The following CMTM6 variants were observed in gnomAD, a reference collection of about 807,000 sequenced individuals.
CMTM6 encodes CKLF-like MARVEL transmembrane domain-containing protein 6.
A neutral mutation model predicts 13.6 loss-of-function variants in CMTM6; 5 were observed. That is an observed-to-expected ratio of 0.37 (90% CI 0.19 to 0.77). The LOEUF (loss-of-function observed/expected upper bound fraction) is 0.77. Ranked by LOEUF, CMTM6 falls within the 30% of genes least tolerant of loss-of-function variation. The pLI is 0.50. For missense variants in CMTM6, 196 were observed against 218.6 expected, an observed-to-expected ratio of 0.90 and a Z score of 0.65; for synonymous variants, 99 against 84.5, an observed-to-expected ratio of 1.17 and a Z score of -0.94.
In CMTM6 at chr3:32,491,720, A is replaced by G. The variant is rs750525387; in HGVS notation, c.305T>C (p.Val102Ala). The change falls in exon 2 of 4, where the codon GTA becomes GCA. Residue 102 changes from valine (V) to alanine (A), a missense_variant. Transcript: ENST00000205636. ...TTTTCTCATGCTTACCGATGATTTT[A>G]CTTTTGTGGTATCAACTCTCTCATA... ...PFYERVDTTK[V>A]KSSDFYITLG... 1 of 1,591,044 alleles carries G rather than the reference A, an allele frequency of 6.3e-7. No homozygotes were observed. Among genetic ancestry groups the G allele is most frequent in the South Asian group, 1.1e-5 (1 of 87,586 alleles).
chr3:32,496,982 G>A (rs1183905295), intron 1 of CMTM6, among the ~76,000 whole-genome samples: 1 of 152,110 alleles, frequency 6.6e-6, no homozygotes, highest in African/African-American at 2.4e-5. Flanking sequence ...GAAAACAGGA[G>A]GAACAGAGGA....
intron 1 of CMTM6, among the ~76,000 whole-genome samples, chr3:32,500,979 T>G (rs909652212): frequency 1.3e-5 from 2 of 150,126 alleles, no homozygotes; most frequent in South Asian, 2.1e-4. Flanking sequence ...GAAAATCACC[T>G]GAAGTCAGGA....
rs1442705275 is a variant in CMTM6, at chr3:32,482,708, G to A, written c.*1252C>T. 2 of 137,960 alleles carry A rather than the reference G, an allele frequency of 1.4e-5. No individual in the cohort carries two copies. The highest frequency in any genetic ancestry group is 3.1e-5 in the Non-Finnish European group (2 of 65,314). 8.5% of individuals were successfully genotyped at this position (137,960 alleles called of 1,614,324 possible). A position where few individuals can be genotyped will look rare whatever the true frequency, so the allele number is the denominator to read the frequency against. On this transcript the variant is annotated 3_prime_UTR_variant, in exon 4 of 4. Coordinates refer to ENST00000205636, the MANE Select transcript of CMTM6 (RefSeq NM_017801.3). ...GTATTAGTCTGGGCAGGGTTCCCTG[G>A]ATATTTACTTTTTTTTTTTTTTTTT...
intron 1 of CMTM6, among the ~76,000 whole-genome samples, chr3:32,499,757 C>T (rs1697329102): frequency 6.6e-6 from 1 of 152,128 alleles, no homozygotes; most frequent in Admixed American, 6.6e-5. Flanking sequence ...ATCTAAATGG[C>T]AGACACAGCT....
intron 1 of CMTM6, among the ~76,000 whole-genome samples, chr3:32,498,630 C>T (rs184088876): frequency 2.0e-4 from 27 of 136,188 alleles, no homozygotes; most frequent in Middle Eastern, 4.5e-3. Context: ...GATGGAGTCT[C>T]GCTCTGTTGC....
At chr3:32,498,366 G>A (rs932213897) in intron 1 of CMTM6, among the ~76,000 whole-genome samples, 1 of 152,120 alleles carries the variant, frequency 6.6e-6, no homozygotes, top group Non-Finnish European at 1.5e-5. Flanking sequence ...TTCCTTTTAC[G>A]AGTATGTATG....
chr3:32,495,824 T>A (rs1697285098), intron 1 of CMTM6, among the ~76,000 whole-genome samples: 1 of 152,200 alleles, frequency 6.6e-6, no homozygotes, highest in Admixed American at 6.5e-5. Flanking sequence ...CTTACTGACC[T>A]ATTGCCTCAG....
At position 32,502,811 on chromosome 3, in the gene CMTM6, C is replaced by A. The variant is rs949993232; in HGVS notation, c.-66G>T. 2 of 1,357,978 alleles carry A rather than the reference C, an allele frequency of 1.5e-6. No homozygotes were observed. The highest frequency in any genetic ancestry group is 3.1e-5 in the African/African-American group (2 of 65,126). The allele number at this position is 1,357,978 out of a possible 1,614,324, so 84.1% of individuals were successfully genotyped here. ...CGTTGACTTCTCGGACTCCAGAAGT[C>A]CCCGGTAGCCGGGAGGCGGCCGTCA... On this transcript the variant is annotated 5_prime_UTR_variant, in exon 1 of 4. Transcript: ENST00000205636.
chr3:32,496,973 A>T (rs1208168271), intron 1 of CMTM6, among the ~76,000 whole-genome samples: 1 of 152,194 alleles, frequency 6.6e-6, no homozygotes, highest in Non-Finnish European at 1.5e-5. Context: ...AGTAGGTTAG[A>T]AAACAGGAGG....
At chr3:32,490,242 CA>C (rs567802958) in intron 2 of CMTM6, among the ~76,000 whole-genome samples, 10,321 of 114,566 alleles carry the variant, frequency 0.09, 357 homozygotes, top group Middle Eastern at 0.11. Context: ...CAAGACTTCT[CA>C]AAAAAAAAAA....
At position 32,483,155 on chromosome 3, in the gene CMTM6, T is replaced by C. The variant is rs924141058; in HGVS notation, c.*805A>G. The C allele has an allele frequency of 2.0e-5, 3 of 152,778 alleles. No homozygotes were observed. The highest frequency in any genetic ancestry group is 7.2e-5 in the African/African-American group (3 of 41,592). The allele number at this position is 152,778 out of a possible 1,614,324, so 9.5% of individuals were successfully genotyped here. ...AGCTTGTTTTTATAATTACTTTCACTGTCTTGGGCAAAAAGTCTTTCTTAT... is the reference window on the plus strand; with the variant it reads ...AGCTTGTTTTTATAATTACTTTCACCGTCTTGGGCAAAAAGTCTTTCTTAT... On this transcript the variant is annotated 3_prime_UTR_variant, in exon 4 of 4. Transcript: ENST00000205636.
intron 2 of CMTM6, chr3:32,488,366 G>GAAAAAAAA (rs549593148): frequency 8.5e-6 from 1 of 118,250 alleles, no homozygotes; most frequent in Non-Finnish European, 1.8e-5. Flanking sequence ...TCCAAAAAAA[G>GAAAAAAAA]AAAAAAAAAA....
chr3:32,499,811 A>C (rs1307664030), intron 1 of CMTM6, among the ~76,000 whole-genome samples: 1 of 148,990 alleles, frequency 6.7e-6, no homozygotes, highest in East Asian at 1.9e-4. Context: ...TTTTATCTCT[A>C]ATCTCCTCTG....
chr3:32,498,597 C>CTTTTTT (rs58720077), intron 1 of CMTM6, among the ~76,000 whole-genome samples: 8 of 127,080 alleles, frequency 6.3e-5, no homozygotes, highest in African/African-American at 1.5e-4. Context: ...ACTACCCCTT[C>CTTTTTT]TTTTTTTTTT....
chr3:32,487,988 T>C lies in CMTM6; in HGVS notation c.364A>G (p.Ile122Val), dbSNP rs1697219867. 1.2e-6 allele frequency: 2 copies of C among 1,613,956 alleles called. No individual in the cohort carries two copies. Among genetic ancestry groups the C allele is most frequent in the South Asian group, 1.1e-5 (1 of 91,060 alleles). ...GTGCVFLLAS[I>V]IFVSTHDRTS... is the part of the protein sequence containing the mutation. The stretch of plus-strand genomic sequence containing the variant: ...CTGTCATGTGTGGAAACAAAAATGA[T>C]GGATGCCAACAAAAACACACATCCT... Residue 122 changes from isoleucine (I) to valine (V), a missense_variant, in exon 3 of 4, where the codon ATC becomes GTC. Ile to Val is a conservative substitution (Grantham distance 29, BLOSUM62 3). Transcript: ENST00000205636.
chr3:32,483,955 A>T lies in CMTM6; in HGVS notation c.*5T>A. 1 of 1,590,234 alleles carries T rather than the reference A, an allele frequency of 6.3e-7. No individual in the cohort carries two copies. The highest frequency in any genetic ancestry group is 8.5e-7 in the Non-Finnish European group (1 of 1,171,746). On this transcript the variant is annotated 3_prime_UTR_variant, in exon 4 of 4. Coordinates refer to ENST00000205636, the MANE Select transcript of CMTM6 (RefSeq NM_017801.3). ...ACCTTAGGTAACATCTGCTCCCCAG[A>T]GTCTTTAGGCATTAAGTGGCTCAGT...
At position 32,483,935 on chromosome 3, in the gene CMTM6, A is replaced by G; in HGVS notation, c.*25T>C. The G allele has an allele frequency of 6.4e-7, 1 of 1,565,400 alleles. No homozygotes were observed. Among genetic ancestry groups the G allele is most frequent in the Non-Finnish European group, 8.6e-7 (1 of 1,161,718 alleles). On this transcript the variant is annotated 3_prime_UTR_variant, in exon 4 of 4. Coordinates refer to ENST00000205636, the MANE Select transcript of CMTM6 (RefSeq NM_017801.3). ...CACCACAATGCAGGGTCACTACCTT[A>G]GGTAACATCTGCTCCCCAGAGTCTT...
chr3:32,489,245 G>C (rs1296079319), intron 2 of CMTM6, among the ~76,000 whole-genome samples: 2 of 148,132 alleles, frequency 1.4e-5, no homozygotes, highest in Non-Finnish European at 3.0e-5. Context: ...ATTCCAGCCT[G>C]GGCGACAGAG....
chr3:32,491,057 T>C (rs746966114), intron 2 of CMTM6, among the ~76,000 whole-genome samples: 2 of 152,256 alleles, frequency 1.3e-5, no homozygotes, highest in African/African-American at 2.4e-5. Flanking sequence ...CCTGTTGTCA[T>C]TGTCATAGAA....
Sources: gnomAD v4.1 joint callset for allele counts (sites outside exome capture counted in the v4.1 genomes callset) on GRCh38, gnomAD v4.1.1 for gene constraint, MANE v1.5 for transcripts, NCBI Gene and HGNC (gene_info 2026-07-23, HGNC 2026-07-21) for gene names.